The following ANKRD30BL variants were observed in gnomAD, a reference collection of about 807,000 sequenced individuals.
The protein encoded by ANKRD30BL is ankyrin repeat domain 30B like.
A neutral mutation model predicts 18.4 loss-of-function variants in ANKRD30BL; 20 were observed. The observed-to-expected ratio is 1.09, with a 90% CI of 0.77 to 1.58. The LOEUF (loss-of-function observed/expected upper bound fraction) is 1.58. Among genes scored for constraint, ANKRD30BL ranks in the 40% most tolerant of loss-of-function variants. The probability of loss-of-function intolerance (pLI) is 0.00; values close to 1 mark genes in which losing one functional copy is unlikely to be tolerated. For missense variants in ANKRD30BL, 224 were observed against 268.6 expected (o/e 0.83, Z 1.16); for synonymous variants, 72 against 100.9 (o/e 0.71, Z 1.72).
rs913169812 is a variant in ANKRD30BL, at chr2:132,182,209, C to A, written n.442-25063G>T. 5.3e-5 allele frequency among the ~76,000 whole-genome samples: 8 copies of A among 151,926 alleles called. No homozygotes were observed. The South Asian group carries it at 8.3e-4, about 16-fold the overall frequency. On this transcript the variant is annotated intron_variant and non_coding_transcript_variant, in intron 1 of 4. Transcript: ENST00000470729. ...TTACAAAGAAAATTTGTAGGCCGGG[C>A]GCAGTTGCTCAAGCCTGTATCCCAG...
intron 1 of ANKRD30BL, among the ~76,000 whole-genome samples, chr2:132,228,918 C>T (rs1367714970): frequency 1.3e-5 from 2 of 151,664 alleles, no homozygotes; most frequent in East Asian, 1.9e-4. Flanking sequence ...GCTTTGAGGC[C>T]TATGGTGGAA....
chr2:132,205,230 G>T (rs1348915700), intron 1 of ANKRD30BL, among the ~76,000 whole-genome samples: 2 of 152,204 alleles, frequency 1.3e-5, no homozygotes, highest in South Asian at 2.1e-4. Flanking sequence ...GGGAAACATT[G>T]GTGCAGAATA....
intron 1 of ANKRD30BL, among the ~76,000 whole-genome samples, chr2:132,223,130 C>G (rs139954806): frequency 2.0e-5 from 3 of 151,656 alleles, no homozygotes; most frequent in East Asian, 2.0e-4. Flanking sequence ...AATTAGACAG[C>G]AGCATTCTCA....
At chr2:132,207,038 A>G (rs1328858654) in intron 1 of ANKRD30BL, among the ~76,000 whole-genome samples, 2 of 152,120 alleles carry the variant, frequency 1.3e-5, no homozygotes, top group Admixed American at 6.6e-5. Flanking sequence ...CTAATGCATT[A>G]TGAGCTCATC....
intron 1 of ANKRD30BL, among the ~76,000 whole-genome samples, chr2:132,159,642 A>G (rs570339488): frequency 1.2e-4 from 19 of 152,302 alleles, no homozygotes; most frequent in African/African-American, 4.3e-4. Flanking sequence ...AATTATCTAT[A>G]AAATGACGAT....
In ANKRD30BL at chr2:132,224,355, C is replaced by T. The variant is rs201435856; in HGVS notation, n.441+33174G>A. Among the ~76,000 whole-genome samples, 214 of 151,900 alleles carry T rather than the reference C, an allele frequency of 1.4e-3. 8 individuals carry two copies. In the East Asian group the frequency reaches 0.035, roughly 25 times the overall value. ...TTCTCAGAATCTTCTTTGTGATGTT[C>T]GCATTCCACTCACAGAGTTGAACAT... On this transcript the variant is annotated intron_variant and non_coding_transcript_variant, in intron 1 of 4. Coordinates refer to the ANKRD30BL transcript ENST00000470729.
chr2:132,255,488 G>A (rs75942383), intron 1 of ANKRD30BL, among the ~76,000 whole-genome samples: 2 of 150,132 alleles, frequency 1.3e-5, no homozygotes, highest in Non-Finnish European at 3.0e-5. Flanking sequence ...GCTGTGGCTC[G>A]CTAGCCCACC....
At chr2:132,252,759 C>T (rs911035411) in intron 1 of ANKRD30BL, among the ~76,000 whole-genome samples, 8 of 152,054 alleles carry the variant, frequency 5.3e-5, no homozygotes, top group Middle Eastern at 3.4e-3. Context: ...CGACGTGAGA[C>T]GACGACGGCA....
intron 1 of ANKRD30BL, among the ~76,000 whole-genome samples, chr2:132,174,929 A>G (rs1044528533): frequency 5.9e-5 from 9 of 152,206 alleles, no homozygotes; most frequent in African/African-American, 2.2e-4. Context: ...AAAAACTCCA[A>G]TTGTAAATTG....
Position 132,245,033 on chromosome 2 carries a change from C to T in ANKRD30BL, n.441+12496G>A, listed in dbSNP as rs533312217. 4.6e-3 allele frequency among the ~76,000 whole-genome samples: 697 copies of T among 152,410 alleles called. 2 individuals are homozygous for T. The highest frequency in any genetic ancestry group is 7.6e-3 in the Non-Finnish European group (518 of 68,044). The stretch of plus-strand genomic sequence containing the variant: ...CTTTTGATACAGCAGTTTTTAAACA[C>T]TGTTCTTGTAGAATTTACAACTGGA... On this transcript the variant is annotated intron_variant and non_coding_transcript_variant, in intron 1 of 4. Transcript: ENST00000470729.
In ANKRD30BL at chr2:132,161,593, T is replaced by G. The variant is rs749563289; in HGVS notation, c.113A>C (p.Asp38Ala). ...NNDSYVIHHG[D>A]LRKIHKAASR... Reference sequence around the variant, plus strand: ...GGCAGCTTTGTGGATCTTCCTGAGATCCCCATGGTGAATCACGTAAGAGTC... The same window carrying G: ...GGCAGCTTTGTGGATCTTCCTGAGAGCCCCATGGTGAATCACGTAAGAGTC... Residue 38 changes from aspartate (D) to alanine (A), a missense_variant, in exon 1 of 6, where the codon GAT becomes GCT. Asp to Ala is a moderately radical substitution (Grantham distance 126). Around this residue, in one of 3 missense-constraint regions of ANKRD30BL, gnomAD observed 131 missense variants for 128.8 expected, o/e 1.02. Coordinates refer to ENST00000409867, the MANE Select transcript of ANKRD30BL (RefSeq NM_001358416.1). 1.9e-5 allele frequency: 28 copies of G among 1,455,218 alleles called. 1 individual carries two copies. The South Asian group carries it at 3.4e-4, about 18-fold the overall frequency. The allele number at this position is 1,455,218 out of a possible 1,614,324, so 90.1% of individuals were successfully genotyped here. A position where few individuals can be genotyped will look rare whatever the true frequency, so the allele number is the denominator to read the frequency against.
intron 1 of ANKRD30BL, among the ~76,000 whole-genome samples, chr2:132,168,053 T>A (rs1178427846): frequency 1.3e-5 from 2 of 152,222 alleles, no homozygotes; most frequent in Non-Finnish European, 2.9e-5. Flanking sequence ...TGCATCATTT[T>A]CTCTCCACTT....
At chr2:132,157,606 G>A (rs1443173053) in intron 1 of ANKRD30BL, among the ~76,000 whole-genome samples, 183 bp from the exon 2 acceptor site, 1 of 152,158 alleles carries the variant, frequency 6.6e-6, no homozygotes, top group Non-Finnish European at 1.5e-5. Flanking sequence ...TAATGAAAGA[G>A]TGCCTGTTTG....
chr2:132,157,629 T>C (rs1416822158), intron 1 of ANKRD30BL, among the ~76,000 whole-genome samples: 2 of 152,204 alleles, frequency 1.3e-5, no homozygotes, highest in Non-Finnish European at 2.9e-5. Flanking sequence ...CAGAAAGAGC[T>C]TGGCCTTTGG....
At chr2:132,249,199 C>G (rs1359315231) in intron 1 of ANKRD30BL, among the ~76,000 whole-genome samples, 1 of 152,098 alleles carries the variant, frequency 6.6e-6, no homozygotes, top group Non-Finnish European at 1.5e-5. Flanking sequence ...AAGACTGTTT[C>G]CAAATTGCTC....
chr2:132,198,529 T>C (rs1441570344), intron 1 of ANKRD30BL, among the ~76,000 whole-genome samples: 1 of 151,664 alleles, frequency 6.6e-6, no homozygotes, highest in African/African-American at 2.4e-5. Context: ...TTCACTGTGT[T>C]AGCTAGGATG....
intron 5 of ANKRD30BL, among the ~76,000 whole-genome samples, chr2:132,150,106 A>G (rs1687716893): frequency 6.6e-6 from 1 of 152,100 alleles, no homozygotes; most frequent in Non-Finnish European, 1.5e-5. Flanking sequence ...ATGTTGCTCA[A>G]TACTCGACTG....
intron 1 of ANKRD30BL, among the ~76,000 whole-genome samples, chr2:132,239,174 A>G (rs755762538): frequency 6.6e-6 from 1 of 152,246 alleles, no homozygotes; most frequent in East Asian, 1.9e-4. Flanking sequence ...CTACTTTGTG[A>G]TGTGTGTACT....
intron 1 of ANKRD30BL, among the ~76,000 whole-genome samples, chr2:132,250,002 A>G (rs1421979051): frequency 1.3e-5 from 2 of 152,216 alleles, no homozygotes; most frequent in East Asian, 1.9e-4. Flanking sequence ...CTTTTTCACC[A>G]TAGGCCTCAA....
Sources: allele counts gnomAD v4.1 joint callset (sites outside exome capture counted in the v4.1 genomes callset), GRCh38; gene constraint gnomAD v4.1.1; regional missense constraint gnomAD v4.1.1; transcripts MANE v1.5; gene names NCBI Gene and HGNC (gene_info 2026-07-23, HGNC 2026-07-21).